Variants in CNTN3 observed in about 807,000 individuals in gnomAD.
The protein encoded by CNTN3 is contactin-3.
In CNTN3, 60 loss-of-function variants were observed where a neutral mutation model predicts 119.1. The ratio of observed to expected loss-of-function variants is 0.50; its 90% confidence interval spans 0.41 to 0.62. The LOEUF (loss-of-function observed/expected upper bound fraction) is 0.62, where lower values mean the gene tolerates loss of function less well. CNTN3 is among the 20% of genes least tolerant of loss of function. CNTN3 has a pLI of 0.00. For missense variants in CNTN3, 1,101 were observed against 1,242.4 expected, an observed-to-expected ratio of 0.89 and a Z score of 1.71; for synonymous variants, 450 against 438.7, an observed-to-expected ratio of 1.03 and a Z score of -0.32.
chr3:74,429,188 A>C (rs1701744241), intron 4 of CNTN3, among the ~76,000 whole-genome samples: 1 of 152,066 alleles, frequency 6.6e-6, no homozygotes, highest in Non-Finnish European at 1.5e-5. Context: ...AGATAAAGAC[A>C]AGCTTATTCT....
intron 20 of CNTN3, among the ~76,000 whole-genome samples, 196 bp downstream of exon 20, chr3:74,285,109 C>A (rs774496787): frequency 3.3e-5 from 5 of 152,146 alleles, no homozygotes; most frequent in Admixed American, 6.5e-5. Context: ...TTCATTTTCA[C>A]ACTCTACCTA....
At chr3:74,486,075 T>G (rs1157313809) in intron 4 of CNTN3, among the ~76,000 whole-genome samples, 1 of 138,866 alleles carries the variant, frequency 7.2e-6, no homozygotes, top group Non-Finnish European at 1.6e-5. Flanking sequence ...GCAAGGACCA[T>G]CTCTGACAAT....
chr3:74,310,781 C>A (rs781647029), intron 13 of CNTN3, among the ~76,000 whole-genome samples: 1 of 152,148 alleles, frequency 6.6e-6, no homozygotes, highest in Non-Finnish European at 1.5e-5. Flanking sequence ...GTGTTAAAGT[C>A]ATGCTGCAGT....
rs147357438 is a variant in CNTN3 at position 74,348,186 on chromosome 3, AAC to A, written c.1365-11530_1365-11529del. On this transcript the variant is annotated intron_variant, in intron 11 of 22. Transcript: ENST00000263665. ...AAGAGAGCTGATCTTAAGTGTTCTC[AAC>A]ACACACACACACACAAAATGGTAAC... Among the ~76,000 whole-genome samples, 9 of 151,376 alleles carry A rather than the reference AAC, an allele frequency of 5.9e-5. No individual in the cohort carries two copies. The East Asian group carries it at 9.7e-4, about 16-fold the overall frequency.
intron 1 of CNTN3, among the ~76,000 whole-genome samples, chr3:74,584,948 T>C (rs183609872): frequency 4.6e-5 from 7 of 152,216 alleles, no homozygotes; most frequent in East Asian, 1.9e-4. Flanking sequence ...CCCCTCATGA[T>C]TGCAAGATGG....
rs1363041057 is a variant in CNTN3 at position 74,589,070 on chromosome 3, C to G, written c.-81+25321G>C. 4.0e-5 allele frequency among the ~76,000 whole-genome samples: 6 copies of G among 150,858 alleles called. No individual in the cohort carries two copies. In the East Asian group the frequency reaches 7.9e-4, roughly 20 times the overall value. On this transcript the variant is annotated intron_variant, in intron 1 of 22. Coordinates refer to ENST00000263665, the MANE Select transcript of CNTN3 (RefSeq NM_020872.3). The stretch of plus-strand genomic sequence containing the variant: ...GGCAAGGACTTCATGTCTAAAACAC[C>G]AAAAGCAATGGCAACAAAAGCCAAA...
At chr3:74,488,454 G>C (rs1356056252) in intron 3 of CNTN3, among the ~76,000 whole-genome samples, 1 of 152,168 alleles carries the variant, frequency 6.6e-6, no homozygotes. Context: ...CTCATGGAGA[G>C]AGAGTAGGAA....
intron 1 of CNTN3, among the ~76,000 whole-genome samples, chr3:74,575,169 C>T (rs1704394554): frequency 6.6e-6 from 1 of 152,200 alleles, no homozygotes; most frequent in African/African-American, 2.4e-5. Flanking sequence ...AAGCAATCCT[C>T]TCACCTCAGT....
chr3:74,388,741 C>T (rs892768498), intron 5 of CNTN3, among the ~76,000 whole-genome samples: 9 of 152,144 alleles, frequency 5.9e-5, no homozygotes, highest in African/African-American at 2.2e-4. Flanking sequence ...AACGGACTGG[C>T]CTTTACAACT....
chr3:74,506,774 C>T (rs1278338743), intron 2 of CNTN3, among the ~76,000 whole-genome samples: 1 of 149,324 alleles, frequency 6.7e-6, no homozygotes, highest in Non-Finnish European at 1.5e-5. Context: ...TTCCCTCTTT[C>T]TATTATACTT....
chr3:74,541,185 A>C (rs1481256797), intron 1 of CNTN3, among the ~76,000 whole-genome samples: 1 of 152,152 alleles, frequency 6.6e-6, no homozygotes, highest in African/African-American at 2.4e-5. Flanking sequence ...CGCCATTTTC[A>C]TGCTGAAATG....
At chr3:74,525,170 T>C (rs1197832888) in intron 1 of CNTN3, among the ~76,000 whole-genome samples, 1 of 151,810 alleles carries the variant, frequency 6.6e-6, no homozygotes, top group Non-Finnish European at 1.5e-5. Flanking sequence ...AACATACCAA[T>C]GTTACTCTCA....
At chr3:74,412,097 G>T (rs1701447433) in intron 5 of CNTN3, among the ~76,000 whole-genome samples, 1 of 152,162 alleles carries the variant, frequency 6.6e-6, no homozygotes, top group South Asian at 2.1e-4. Flanking sequence ...TTACTTTGGG[G>T]AACATGATGT....
At chr3:74,381,220 T>C (rs1308988449) in intron 5 of CNTN3, among the ~76,000 whole-genome samples, 2 of 152,106 alleles carry the variant, frequency 1.3e-5, no homozygotes, top group Non-Finnish European at 2.9e-5. Flanking sequence ...CTTTTATTTT[T>C]TCTGAATGAT....
intron 1 of CNTN3, among the ~76,000 whole-genome samples, chr3:74,532,225 G>A (rs1008627689): frequency 1.3e-5 from 2 of 151,872 alleles, no homozygotes; most frequent in African/African-American, 4.8e-5. Flanking sequence ...TTCAATAAGT[G>A]AGAATGAGAG....
At chr3:74,486,661 C>G in intron 3 of CNTN3, 30 bp from the exon 4 acceptor site, 2 of 1,483,778 alleles carry the variant, frequency 1.3e-6, no homozygotes, top group African/African-American at 2.9e-5. Flanking sequence ...GTTCCCCCCC[C>G]TTAGTATTTT....
intron 5 of CNTN3, among the ~76,000 whole-genome samples, chr3:74,390,441 T>C (rs1321044869): frequency 1.3e-5 from 2 of 151,118 alleles, no homozygotes; most frequent in African/African-American, 4.9e-5. Flanking sequence ...CAGTTCTCTA[T>C]GTCAGTGTTC....
At chr3:74,504,050 G>C (rs908724424) in intron 2 of CNTN3, among the ~76,000 whole-genome samples, 1 of 152,018 alleles carries the variant, frequency 6.6e-6, no homozygotes, top group African/African-American at 2.4e-5. Context: ...TTTTTATGAA[G>C]ACTGACAAAG....
At chr3:74,494,745 T>C (rs558043350) in intron 3 of CNTN3, among the ~76,000 whole-genome samples, 1 of 152,228 alleles carries the variant, frequency 6.6e-6, no homozygotes, top group South Asian at 2.1e-4. Flanking sequence ...ATGCCACTAA[T>C]TAGGCATTCA....
Sources: allele counts gnomAD v4.1 joint callset (sites outside exome capture counted in the v4.1 genomes callset), GRCh38; gene constraint gnomAD v4.1.1; transcripts MANE v1.5; gene names NCBI Gene and HGNC (gene_info 2026-07-23, HGNC 2026-07-21).